Variants in ALOX5 observed in about 807,000 individuals in gnomAD.
ALOX5 encodes polyunsaturated fatty acid 5-lipoxygenase.
ALOX5 carries 64 observed loss-of-function variants against 87.9 expected under a neutral mutation model. The observed-to-expected ratio is 0.73, with a 90% confidence interval of 0.60 to 0.90. The LOEUF is 0.90. ALOX5 is among the 40% of genes least tolerant of loss of function. The pLI, the probability that ALOX5 is intolerant of heterozygous loss-of-function variation, is 0.00. For missense variants in ALOX5, 822 were observed against 907.5 expected, an observed-to-expected ratio of 0.91 and a Z score of 1.21; for synonymous variants, 388 against 355.1, an observed-to-expected ratio of 1.09 and a Z score of -1.04.
At chr10:45,374,575 G>A in intron 1 of ALOX5, 146 bp downstream of exon 1, 1 of 776,392 alleles carries the variant, frequency 1.3e-6, no homozygotes, top group Non-Finnish European at 1.8e-6. Context: ...GTCAGGGAGG[G>A]CAGAACTGCG....
At chr10:45,409,947 C>G (rs1210422336) in intron 3 of ALOX5, among the ~76,000 whole-genome samples, 2 of 152,274 alleles carry the variant, frequency 1.3e-5, no homozygotes, top group African/African-American at 4.8e-5. Context: ...CCCATTGGTG[C>G]TGCCACCCTC....
intron 7 of ALOX5, among the ~76,000 whole-genome samples, chr10:45,437,599 T>C (rs1842096710): frequency 6.6e-6 from 1 of 152,280 alleles, no homozygotes. Flanking sequence ...ATATTTGTGC[T>C]GGACGTGCTC....
chr10:45,443,219 G>A lies in ALOX5; in HGVS notation c.1451+3G>A. 1 of 1,612,110 alleles carries A rather than the reference G, an allele frequency of 6.2e-7. No individual in the cohort carries two copies. Among genetic ancestry groups the A allele is most frequent in the Non-Finnish European group, 8.5e-7 (1 of 1,179,182 alleles). On this transcript the variant is annotated splice_donor_region_variant and intron_variant, in intron 10 of 13. Coordinates refer to ENST00000374391, the MANE Select transcript of ALOX5 (RefSeq NM_000698.5). ...CTGGTGTGGGAAGCCATCAGGACGT[G>A]AGCGCCCGCGGGGCGGTGGTCCTGG...
Position 45,440,549 on chromosome 10 carries a change from C to G in ALOX5, c.1101C>G (p.Thr367=). 6.2e-7 allele frequency: 1 copy of G among 1,614,212 alleles called. No individual in the cohort carries two copies. Among genetic ancestry groups the G allele is most frequent in the Middle Eastern group, 1.6e-4 (1 of 6,062 alleles). Residue 367 remains threonine, a synonymous_variant, in exon 8 of 14, where the codon ACC becomes ACG. Coordinates refer to ENST00000374391, the MANE Select transcript of ALOX5 (RefSeq NM_000698.5). ...SSDFHVHQTI[T]HLLRTHLVSE... ...ACTTCCACGTCCACCAGACCATCACCCACCTTCTGCGAACACATCTGGTGT... is the reference window on the plus strand; with the variant it reads ...ACTTCCACGTCCACCAGACCATCACGCACCTTCTGCGAACACATCTGGTGT...
chr10:45,428,566 T>A, intron 6 of ALOX5, 52 bp from the exon 7 acceptor site: 2 of 1,607,480 alleles, frequency 1.2e-6, no homozygotes, highest in Non-Finnish European at 1.7e-6. Flanking sequence ...CAGGCCTGAT[T>A]TTTGGTCCGT....
rs572817083 is a variant in ALOX5 at position 45,374,239 on chromosome 10, C to A, written c.-41C>A. ...CTAGATGCGGACACCTGGACCGCCGCGCCGAGGCTCCCGGCGCTCGCTGCT... is the reference window on the plus strand; with the variant it reads ...CTAGATGCGGACACCTGGACCGCCGAGCCGAGGCTCCCGGCGCTCGCTGCT... On this transcript the variant is annotated 5_prime_UTR_variant, in exon 1 of 14. Transcript: ENST00000374391. 3.5e-6 allele frequency: 5 copies of A among 1,446,014 alleles called. No individual in the cohort carries two copies. Among genetic ancestry groups the A allele is most frequent in the Non-Finnish European group, 3.6e-6 (4 of 1,099,618 alleles). The allele number at this position is 1,446,014 out of a possible 1,614,324, so 89.6% of individuals were successfully genotyped here. A position where few individuals can be genotyped will look rare whatever the true frequency, so the allele number is the denominator to read the frequency against.
rs1051447467 is a variant in ALOX5, at chr10:45,383,324, A to G, written c.349+643A>G. Among the ~76,000 whole-genome samples, 2 of 152,382 alleles carry G rather than the reference A, an allele frequency of 1.3e-5. 1 individual carries two copies. The highest frequency in any genetic ancestry group is 6.8e-3 in the Middle Eastern group (2 of 294). The stretch of plus-strand genomic sequence containing the variant: ...AGGCCATTCTTTGTTAGGGACACAC[A>G]GCTGACCTGGTACAGAGCATCAGAG... On this transcript the variant is annotated intron_variant, in intron 2 of 13. Coordinates refer to ENST00000374391, the MANE Select transcript of ALOX5 (RefSeq NM_000698.5).
intron 4 of ALOX5, among the ~76,000 whole-genome samples, chr10:45,422,442 T>A (rs1355261596): frequency 6.6e-6 from 1 of 152,074 alleles, no homozygotes; most frequent in Admixed American, 6.6e-5. Context: ...TAGGGCTGCC[T>A]CCTCAGGGGT....
intron 1 of ALOX5, among the ~76,000 whole-genome samples, chr10:45,380,664 A>G (rs1019279072): frequency 6.6e-6 from 1 of 152,256 alleles, no homozygotes; most frequent in African/African-American, 2.4e-5. Context: ...TGCAGGGGCC[A>G]GGCACAGTGG....
intron 4 of ALOX5, among the ~76,000 whole-genome samples, chr10:45,416,344 T>C (rs977669642): frequency 4.6e-5 from 7 of 152,184 alleles, no homozygotes; most frequent in African/African-American, 1.7e-4. Context: ...GGCATTTTTC[T>C]CCTACCACAA....
At chr10:45,379,859 A>G (rs1839767326) in intron 1 of ALOX5, among the ~76,000 whole-genome samples, 1 of 151,912 alleles carries the variant, frequency 6.6e-6, no homozygotes, top group South Asian at 2.1e-4. Context: ...GTGAATTCAG[A>G]GCTCCAGACC....
intron 7 of ALOX5, among the ~76,000 whole-genome samples, chr10:45,429,786 C>T (rs1841852054): frequency 6.6e-6 from 1 of 152,170 alleles, no homozygotes; most frequent in Non-Finnish European, 1.5e-5. Flanking sequence ...CCTAAAAATT[C>T]TGGATTCTGA....
chr10:45,432,678 AAG>A (rs1433488859), intron 7 of ALOX5, among the ~76,000 whole-genome samples: 1 of 152,274 alleles, frequency 6.6e-6, no homozygotes, highest in African/African-American at 2.4e-5. Context: ...TTAGAAGAAA[AAG>A]AAAAAATTCA....
intron 4 of ALOX5, among the ~76,000 whole-genome samples, chr10:45,414,544 T>C (rs1025557492): frequency 2.0e-5 from 3 of 152,146 alleles, no homozygotes; most frequent in African/African-American, 7.2e-5. Context: ...ACTTCATGTC[T>C]AAAACACCAA....
intron 3 of ALOX5, among the ~76,000 whole-genome samples, chr10:45,411,754 C>T (rs533589441): frequency 6.6e-5 from 10 of 152,318 alleles, no homozygotes; most frequent in South Asian, 2.1e-4. Context: ...AGGACATGCA[C>T]GCAGTCCAGG....
intron 7 of ALOX5, among the ~76,000 whole-genome samples, chr10:45,435,743 T>A (rs1019613740): frequency 1.3e-5 from 2 of 152,250 alleles, no homozygotes; most frequent in Non-Finnish European, 2.9e-5. Context: ...AATAAACATA[T>A]GTGTGCCTAT....
At chr10:45,376,335 G>T (rs1319941764) in intron 1 of ALOX5, among the ~76,000 whole-genome samples, 1 of 151,588 alleles carries the variant, frequency 6.6e-6, no homozygotes, top group Non-Finnish European at 1.5e-5. Context: ...GGGGTGGGGC[G>T]GGGGGTGGTT....
intron 3 of ALOX5, among the ~76,000 whole-genome samples, chr10:45,408,093 C>T (rs1004748095): frequency 2.6e-5 from 4 of 152,236 alleles, no homozygotes; most frequent in African/African-American, 9.6e-5. Flanking sequence ...ATATATTACT[C>T]TCTCTCCTTT....
chr10:45,392,298 G>T (rs927375125), intron 2 of ALOX5, among the ~76,000 whole-genome samples: 5 of 152,130 alleles, frequency 3.3e-5, no homozygotes, highest in Non-Finnish European at 7.3e-5. Context: ...TTGAGAAATC[G>T]GATGGTTGCT....
Sources: gnomAD v4.1 joint callset for allele counts (sites outside exome capture counted in the v4.1 genomes callset) on GRCh38, gnomAD v4.1.1 for gene constraint, MANE v1.5 for transcripts, NCBI Gene and HGNC (gene_info 2026-07-23, HGNC 2026-07-21) for gene names.